Variants in NDC1 observed in about 807,000 individuals in gnomAD.
NDC1 encodes nucleoporin NDC1.
NDC1 carries 24 observed loss-of-function variants against 89.8 expected under a neutral mutation model. The observed-to-expected ratio is 0.27, with a 90% CI of 0.19 to 0.38. The LOEUF (loss-of-function observed/expected upper bound fraction) is 0.38. NDC1 is among the 10% of genes least tolerant of loss of function. NDC1 has a pLI of 1.00. For synonymous variants in NDC1, 296 were observed against 284.8 expected (o/e 1.04, Z -0.39); for missense variants, 728 against 797.6 (o/e 0.91, Z 1.05).
intron 17 of NDC1, among the ~76,000 whole-genome samples, chr1:53,770,388 C>A (rs2100614499): frequency 6.6e-6 from 1 of 152,158 alleles, no homozygotes; most frequent in Non-Finnish European, 1.5e-5. Flanking sequence ...CTCACTGCAA[C>A]CTCCACTTCC....
At position 53,800,716 on chromosome 1, in the gene NDC1, T is replaced by G. The variant is rs144487640; in HGVS notation, c.1199A>C (p.Glu400Ala). 1 of 1,614,024 alleles carries G rather than the reference T, an allele frequency of 6.2e-7. No homozygotes were observed. Among genetic ancestry groups the G allele is most frequent in the Non-Finnish European group, 8.5e-7 (1 of 1,179,988 alleles). The change falls in exon 11 of 18, where the codon GAA (glutamate) becomes GCA (alanine). Residue 400 changes from glutamate to alanine, a missense_variant. Coordinates refer to ENST00000371429, the MANE Select transcript of NDC1 (RefSeq NM_018087.5). ...NGRVSSSYPV[E>A]PKKLNSPEET... The stretch of plus-strand genomic sequence containing the variant: ...ACCTGGAGAATTTAATTTCTTAGGT[T>G]CCACTGGGTAAGATGAAGACACTCT...
chr1:53,815,259 A>C (rs550445625), intron 6 of NDC1, among the ~76,000 whole-genome samples: 158 of 152,314 alleles, frequency 1.0e-3, no homozygotes, highest in African/African-American at 3.7e-3. Context: ...CCACCATGAT[A>C]AAGTGGGTCT....
In NDC1 at chr1:53,835,730, G is replaced by A. The variant is rs989653634; in HGVS notation, c.58-110C>T. The A allele has an allele frequency of 8.2e-5, 74 of 905,362 alleles. No homozygotes were observed. In the African/African-American group the frequency reaches 1.0e-3, roughly 13 times the overall value. The allele number at this position is 905,362 out of a possible 1,614,324, so 56.1% of individuals were successfully genotyped here. ...TAACCACTAACTCAGATCATAATCC[G>A]TAACTCAAACATTCACTACTAGTAA... On this transcript the variant is annotated intron_variant, in intron 1 of 17. Coordinates refer to ENST00000371429, the MANE Select transcript of NDC1 (RefSeq NM_018087.5).
At position 53,793,273 on chromosome 1, in the gene NDC1, T is replaced by G. The variant is rs766575190; in HGVS notation, c.1591A>C (p.Asn531His). 3 of 1,609,696 alleles carry G rather than the reference T, an allele frequency of 1.9e-6. No individual in the cohort carries two copies. In the East Asian group the frequency reaches 6.7e-5, roughly 36 times the overall value. The change falls in exon 14 of 18, where the codon AAT (asparagine) becomes CAT (histidine). Residue 531 changes from asparagine (N) to histidine (H), a missense_variant. Coordinates refer to ENST00000371429, the MANE Select transcript of NDC1 (RefSeq NM_018087.5). ...WIQNKREQIK[N>H]FLSKRVLIMY... The stretch of plus-strand genomic sequence containing the variant: ...ATCAGCACCCGTTTTGACAAGAAAT[T>G]CTTAATCTGAGTTGGAAAAAAGGAA...
At chr1:53,797,634 C>G (rs1440735769) in intron 11 of NDC1, among the ~76,000 whole-genome samples, 1 of 151,722 alleles carries the variant, frequency 6.6e-6, no homozygotes, top group African/African-American at 2.4e-5. Context: ...TTTTTCTTTC[C>G]TTTTCTTTTC....
At position 53,807,674 on chromosome 1, in the gene NDC1, G is replaced by T. The variant is rs759701745; in HGVS notation, c.873C>A (p.Phe291Leu). Residue 291 changes from phenylalanine (F) to leucine (L), a missense_variant, in exon 8 of 18, where the codon TTC (phenylalanine) becomes TTA (leucine). Coordinates refer to ENST00000371429, the MANE Select transcript of NDC1 (RefSeq NM_018087.5). ...LTTWYVSWIL[F>L]KIYATEAHVF... The stretch of plus-strand genomic sequence containing the variant: ...AACATACCTCTGTGGCATAGATTTT[G>T]AAGAGTATCCATGAGACATACCAAG... 1.9e-6 allele frequency: 3 copies of T among 1,608,568 alleles called. No individual in the cohort carries two copies. The highest frequency in any genetic ancestry group is 2.5e-6 in the Non-Finnish European group (3 of 1,178,494).
intron 16 of NDC1, among the ~76,000 whole-genome samples, chr1:53,782,208 A>G (rs1288552428): frequency 6.6e-6 from 1 of 152,182 alleles, no homozygotes; most frequent in Non-Finnish European, 1.5e-5. Flanking sequence ...TGAATAGTCT[A>G]TGGTAGTTAT....
chr1:53,777,542 C>T (rs1178709958), intron 16 of NDC1, among the ~76,000 whole-genome samples: 1 of 152,102 alleles, frequency 6.6e-6, no homozygotes, highest in Non-Finnish European at 1.5e-5. Flanking sequence ...CTCTCTAGTT[C>T]TTACTAATCT....
intron 6 of NDC1, among the ~76,000 whole-genome samples, chr1:53,812,542 C>T (rs892395741): frequency 6.6e-6 from 1 of 151,958 alleles, no homozygotes; most frequent in African/African-American, 2.4e-5. Context: ...TCAAATTAAC[C>T]CAATCCAACA....
chr1:53,838,241 C>G lies in NDC1; in HGVS notation c.21G>C (p.Arg7=), dbSNP rs1264808110. MATAVS[R]PCAGRSRDIL... ...TGTCCCGCGACCTGCCGGCGCAGGGCCGGCTCACGGCCGTGGCCATGGAGA... is the reference window on the plus strand; with the variant it reads ...TGTCCCGCGACCTGCCGGCGCAGGGGCGGCTCACGGCCGTGGCCATGGAGA... Residue 7 remains arginine, a synonymous_variant, in exon 1 of 18, where the codon CGG becomes CGC. Transcript: ENST00000371429. The G allele has an allele frequency of 2.0e-6, 3 of 1,536,888 alleles. No homozygotes were observed. The highest frequency in any genetic ancestry group is 2.0e-5 in the Admixed American group (1 of 50,890).
At chr1:53,832,286 T>C (rs1649092559) in intron 3 of NDC1, among the ~76,000 whole-genome samples, 2 of 152,160 alleles carry the variant, frequency 1.3e-5, no homozygotes, top group Admixed American at 6.5e-5. Flanking sequence ...AATCATATAA[T>C]ATTTGTCCTA....
Position 53,835,628 on chromosome 1 carries a change from CAA to C in NDC1, c.58-10_58-9del, listed in dbSNP as rs1376697155. 1.3e-6 allele frequency: 2 copies of C among 1,595,814 alleles called. No homozygotes were observed. Among genetic ancestry groups the C allele is most frequent in the Admixed American group, 3.7e-5 (2 of 54,178 alleles). On this transcript the variant is annotated splice_polypyrimidine_tract_variant and intron_variant, in intron 1 of 17. Transcript: ENST00000371429. ...TATCCTCCAGCCCAAAACCTATAAA[CAA>C]AAAGAAAAACCCTCACTCATGAAGT... is the stretch of plus-strand genomic sequence containing the variant.
chr1:53,779,287 T>TATCATC (rs1207687150), intron 16 of NDC1, among the ~76,000 whole-genome samples: 1 of 152,104 alleles, frequency 6.6e-6, no homozygotes, highest in East Asian at 1.9e-4. Flanking sequence ...TAGCTACCAT[T>TATCATC]ATCATCACTC....
chr1:53,792,146 G>T (rs1220078605), intron 14 of NDC1, among the ~76,000 whole-genome samples: 1 of 152,080 alleles, frequency 6.6e-6, no homozygotes, highest in Non-Finnish European at 1.5e-5. Flanking sequence ...GTTTCACCGT[G>T]TTAGCCAGGA....
intron 5 of NDC1, among the ~76,000 whole-genome samples, chr1:53,819,313 TATCA>T (rs1337958031): frequency 6.6e-6 from 1 of 152,198 alleles, no homozygotes; most frequent in Non-Finnish European, 1.5e-5. Flanking sequence ...AAATTAACCA[TATCA>T]ATCCATACTT....
At chr1:53,772,634 G>A (rs1258957740) in intron 16 of NDC1, 145 bp from the exon 17 acceptor site, 1 of 570,710 alleles carries the variant, frequency 1.8e-6, no homozygotes, top group African/African-American at 1.9e-5. Context: ...CTGTACTCCA[G>A]ACTGGGCGAC....
At chr1:53,777,221 G>A (rs1293251303) in intron 16 of NDC1, among the ~76,000 whole-genome samples, 4 of 152,004 alleles carry the variant, frequency 2.6e-5, no homozygotes, top group South Asian at 2.1e-4. Context: ...ACAGGATCTC[G>A]CTTTCTTGAC....
chr1:53,774,680 G>A (rs1386813893), intron 16 of NDC1, among the ~76,000 whole-genome samples: 1 of 152,092 alleles, frequency 6.6e-6, no homozygotes, highest in Non-Finnish European at 1.5e-5. Flanking sequence ...CTTGAAGCCA[G>A]GAGTTCTAGA....
intron 16 of NDC1, among the ~76,000 whole-genome samples, chr1:53,774,049 G>T (rs149702718): frequency 1.0e-3 from 157 of 152,268 alleles, no homozygotes; most frequent in African/African-American, 3.6e-3. Context: ...CTAAGTTAGC[G>T]ATCTCAACCA....
Sources: allele counts gnomAD v4.1 joint callset (sites outside exome capture counted in the v4.1 genomes callset), GRCh38; gene constraint gnomAD v4.1.1; transcripts MANE v1.5; gene names NCBI Gene and HGNC (gene_info 2026-07-23, HGNC 2026-07-21).